The following TRPC5 variants were observed in gnomAD, a reference collection of about 807,000 sequenced individuals.
The protein encoded by TRPC5 is transient receptor potential cation channel subfamily C member 5.
In TRPC5, 9 loss-of-function variants were observed where a neutral mutation model predicts 56.5. The observed-to-expected ratio is 0.16, with a 90% CI of 0.10 to 0.28. The LOEUF (loss-of-function observed/expected upper bound fraction) is 0.28. Ranked by LOEUF, TRPC5 falls within the 10% of genes least tolerant of loss-of-function variation. The pLI is 1.00. For missense variants in TRPC5, 469 were observed against 748.9 expected (o/e 0.63, Z 4.36); for synonymous variants, 282 against 278.5 (o/e 1.01, Z -0.13).
At chrX:111,956,000 A>G (rs1182223989) in intron 1 of TRPC5, among the ~76,000 whole-genome samples, 1 of 112,576 alleles carries the variant, frequency 8.9e-6, no homozygotes, top group African/African-American at 3.2e-5. Context: ...GCTGCCTCAG[A>G]GGGCTTATCA....
intron 2 of TRPC5, among the ~76,000 whole-genome samples, chrX:111,918,015 T>G (rs1926024500): frequency 8.9e-6 from 1 of 111,950 alleles, no homozygotes; most frequent in Non-Finnish European, 1.9e-5. Context: ...TGAGGCTGCA[T>G]CTTGAGCACC....
intron 10 of TRPC5, 84 bp downstream of exon 10, chrX:111,778,901 C>G (rs1315863237): frequency 3.1e-6 from 2 of 643,996 alleles, no homozygotes; most frequent in Non-Finnish European, 4.7e-6. Context: ...AGATGAAATT[C>G]CATCACCAGA....
intron 2 of TRPC5, among the ~76,000 whole-genome samples, chrX:111,918,895 T>A (rs73639666): frequency 0.013 from 1,470 of 109,646 alleles, 28 homozygotes; most frequent in African/African-American, 0.047. Context: ...AGTGGGGAGG[T>A]CAAGGAGCTG....
At chrX:111,919,899 G>T (rs1926081248) in intron 2 of TRPC5, among the ~76,000 whole-genome samples, 1 of 112,426 alleles carries the variant, frequency 8.9e-6, no homozygotes, top group African/African-American at 3.2e-5. Context: ...CATGTGGCCT[G>T]CAGGTCGCAG....
At chrX:112,070,331 T>C (rs960484667) in intron 1 of TRPC5, among the ~76,000 whole-genome samples, 1 of 111,675 alleles carries the variant, frequency 9.0e-6, no homozygotes, top group African/African-American at 3.3e-5. Flanking sequence ...GTTGTGCAGA[T>C]TGACGCCGCC....
At chrX:111,989,945 A>G (rs1928309239) in intron 1 of TRPC5, among the ~76,000 whole-genome samples, 1 of 112,505 alleles carries the variant, frequency 8.9e-6, no homozygotes. Flanking sequence ...CTTTGGGGGG[A>G]AAATGAAGGC....
chrX:111,886,750 G>A (rs114491496), intron 3 of TRPC5, among the ~76,000 whole-genome samples: 11,425 of 111,674 alleles, frequency 0.1, 1,362 homozygotes, highest in African/African-American at 0.34. Context: ...AGAAGGTACC[G>A]AGGACTTGGC....
chrX:112,015,906 C>G (rs2148664295), intron 1 of TRPC5, among the ~76,000 whole-genome samples: 1 of 111,532 alleles, frequency 9.0e-6, no homozygotes, highest in African/African-American at 3.3e-5. Context: ...GGCGTCTTTG[C>G]CTCCATCTCC....
At chrX:112,063,883 C>T (rs992417893) in intron 1 of TRPC5, among the ~76,000 whole-genome samples, 2 of 111,700 alleles carry the variant, frequency 1.8e-5, no homozygotes, top group Non-Finnish European at 3.8e-5. Flanking sequence ...CCTCCGCCTC[C>T]CGGGTTCACG....
At chrX:111,937,663 C>T (rs1371553479) in intron 2 of TRPC5, among the ~76,000 whole-genome samples, 13 of 102,119 alleles carry the variant, frequency 1.3e-4, no homozygotes, top group East Asian at 9.1e-4. Flanking sequence ...TGTAGATATG[C>T]GGCGTTATTT....
At chrX:112,076,018 T>C (rs945446680) in intron 1 of TRPC5, among the ~76,000 whole-genome samples, 1 of 112,092 alleles carries the variant, frequency 8.9e-6, no homozygotes, top group Non-Finnish European at 1.9e-5. Flanking sequence ...ATTTGTGTTG[T>C]TTTAAATTGA....
chrX:111,791,190 C>G lies in TRPC5; in HGVS notation c.1897-9052G>C, dbSNP rs1448010997. ...TCTTTCTGCCAATTTTGCTTCCATC[C>G]TTTTCCTCCACAGGTCCCAAGAGCA... On this transcript the variant is annotated intron_variant, in intron 7 of 10. Coordinates refer to ENST00000262839, the MANE Select transcript of TRPC5 (RefSeq NM_012471.3). 2.7e-5 allele frequency among the ~76,000 whole-genome samples: 3 copies of G among 110,401 alleles called. No individual in the cohort carries two copies. The East Asian group carries it at 8.5e-4, about 31-fold the overall frequency.
intron 1 of TRPC5, among the ~76,000 whole-genome samples, chrX:112,060,874 G>A (rs981814011): frequency 8.9e-6 from 1 of 112,386 alleles, no homozygotes; most frequent in South Asian, 3.7e-4. Flanking sequence ...CGCCTCTACA[G>A]TTCCTCTGTG....
At position 111,996,825 on chromosome X, in the gene TRPC5, TTTTGTTTTG is replaced by T. The variant is rs1272639337; in HGVS notation, c.-21-44393_-21-44385del. ...CCCCTGCTTTTTTTGTTTTGTTTTG[TTTTGTTTTG>T]TTTGCTTTCCATTGGCTTGGTAGAT... On this transcript the variant is annotated intron_variant, in intron 1 of 10. Coordinates refer to ENST00000262839, the MANE Select transcript of TRPC5 (RefSeq NM_012471.3). Among the ~76,000 whole-genome samples, 6 of 111,175 alleles carry T rather than the reference TTTTGTTTTG, an allele frequency of 5.4e-5. No homozygotes were observed. In the Admixed American group the frequency reaches 5.8e-4, roughly 11 times the overall value.
intron 3 of TRPC5, among the ~76,000 whole-genome samples, chrX:111,910,420 G>C (rs1267216166): frequency 8.9e-6 from 1 of 112,254 alleles, no homozygotes; most frequent in South Asian, 3.7e-4. Flanking sequence ...GGAGGGATAA[G>C]AGAAGGATGG....
At chrX:112,066,231 C>A (rs1930580284) in intron 1 of TRPC5, among the ~76,000 whole-genome samples, 1 of 110,521 alleles carries the variant, frequency 9.0e-6, no homozygotes, top group Non-Finnish European at 1.9e-5. Flanking sequence ...CAGTTCTGCA[C>A]ATACATTGAA....
At chrX:111,814,571 G>A (rs756535173) in intron 7 of TRPC5, among the ~76,000 whole-genome samples, 10 of 110,234 alleles carry the variant, frequency 9.1e-5, no homozygotes, top group Middle Eastern at 4.2e-3. Flanking sequence ...CCCTAGTACC[G>A]ATGCTTCCCA....
intron 3 of TRPC5, among the ~76,000 whole-genome samples, chrX:111,869,382 G>A (rs1050180673): frequency 2.7e-5 from 3 of 111,582 alleles, no homozygotes; most frequent in Non-Finnish European, 5.6e-5. Context: ...TTTGTTCTAA[G>A]CTGGCTCTGT....
intron 9 of TRPC5, among the ~76,000 whole-genome samples, chrX:111,780,694 C>T (rs1448069666): frequency 3.6e-5 from 2 of 55,791 alleles, no homozygotes; most frequent in African/African-American, 1.4e-4. Flanking sequence ...GCCTATAAGT[C>T]GATCTACACA....
Sources: allele counts gnomAD v4.1 joint callset (sites outside exome capture counted in the v4.1 genomes callset), GRCh38; gene constraint gnomAD v4.1.1; transcripts MANE v1.5; gene names NCBI Gene and HGNC (gene_info 2026-07-23, HGNC 2026-07-21).